GABRB1: variants seen among roughly 807,000 people sequenced by gnomAD.
The protein encoded by GABRB1 is gamma-aminobutyric acid receptor subunit beta-1.
In GABRB1, 17 loss-of-function variants were observed where a neutral mutation model predicts 51.6. The ratio of observed to expected loss-of-function variants is 0.33; its 90% CI spans 0.23 to 0.49. The LOEUF (loss-of-function observed/expected upper bound fraction) is 0.49, where lower values mean the gene tolerates loss of function less well. Ranked by LOEUF, GABRB1 falls within the 20% of genes least tolerant of loss-of-function variation. The pLI is 0.99. For missense variants in GABRB1, 410 were observed against 600.6 expected (o/e 0.68, Z 3.32); for synonymous variants, 247 against 218.9 (o/e 1.13, Z -1.14).
intron 8 of GABRB1, among the ~76,000 whole-genome samples, chr4:47,420,943 AACACAC>A (rs71654875): frequency 6.4e-5 from 9 of 141,074 alleles, no homozygotes; most frequent in East Asian, 6.1e-4. Context: ...TACACACACA[AACACAC>A]ACACACACAC....
At chr4:47,375,825 G>C (rs34151330) in intron 5 of GABRB1, among the ~76,000 whole-genome samples, 1 of 152,092 alleles carries the variant, frequency 6.6e-6, no homozygotes, top group Non-Finnish European at 1.5e-5. Flanking sequence ...ATAATATTTC[G>C]GCAGTATGTG....
intron 4 of GABRB1, among the ~76,000 whole-genome samples, chr4:47,293,135 G>T (rs1723816123): frequency 6.6e-6 from 1 of 151,974 alleles, no homozygotes; most frequent in Non-Finnish European, 1.5e-5. Flanking sequence ...TGTTGTTGTT[G>T]TTTTTCTTGG....
intron 5 of GABRB1, among the ~76,000 whole-genome samples, chr4:47,401,945 G>GA (rs1728410987): frequency 6.6e-6 from 1 of 152,046 alleles, no homozygotes; most frequent in African/African-American, 2.4e-5. Flanking sequence ...GAGACATTTA[G>GA]AATCAGTCTT....
chr4:47,145,951 A>G (rs1577949606), intron 3 of GABRB1, among the ~76,000 whole-genome samples: 1 of 151,848 alleles, frequency 6.6e-6, no homozygotes, highest in African/African-American at 2.4e-5. Flanking sequence ...TCTTCTTAAA[A>G]CTCTCCGTTT....
rs1377479901 is a variant in GABRB1 at position 47,160,813 on chromosome 4, G to C, written c.241-436G>C. 2.6e-5 allele frequency among the ~76,000 whole-genome samples: 4 copies of C among 151,230 alleles called. No individual in the cohort carries two copies. In the South Asian group the frequency reaches 8.4e-4, roughly 32 times the overall value. The stretch of plus-strand genomic sequence containing the variant: ...AATTATATATTTTTTTAGAGACAAG[G>C]TATTGCTCCATCACCCAGGCTGGAG... On this transcript the variant is annotated intron_variant, in intron 3 of 8. Coordinates refer to ENST00000295454, the MANE Select transcript of GABRB1 (RefSeq NM_000812.4).
At chr4:47,304,715 A>G (rs1724383808) in intron 4 of GABRB1, among the ~76,000 whole-genome samples, 1 of 152,054 alleles carries the variant, frequency 6.6e-6, no homozygotes. Context: ...CAAATTCACA[A>G]TGGGTTGTAA....
At chr4:47,298,010 T>C (rs1412259492) in intron 4 of GABRB1, among the ~76,000 whole-genome samples, 6 of 152,218 alleles carry the variant, frequency 3.9e-5, no homozygotes, top group Non-Finnish European at 8.8e-5. Flanking sequence ...TCTCAATAGA[T>C]GCAGAAAAGG....
chr4:47,227,306 A>C (rs1321920639), intron 4 of GABRB1, among the ~76,000 whole-genome samples: 2 of 152,188 alleles, frequency 1.3e-5, no homozygotes, highest in Non-Finnish European at 2.9e-5. Flanking sequence ...GCTGGTAAGG[A>C]TACCAATAAC....
At chr4:47,288,456 G>A (rs184568892) in intron 4 of GABRB1, among the ~76,000 whole-genome samples, 5 of 152,046 alleles carry the variant, frequency 3.3e-5, no homozygotes, top group African/African-American at 4.8e-5. Context: ...TAGAGACTGG[G>A]TTTCACCACA....
At chr4:47,058,354 A>T (rs1282452198) in intron 3 of GABRB1, among the ~76,000 whole-genome samples, 1 of 152,244 alleles carries the variant, frequency 6.6e-6, no homozygotes, top group Non-Finnish European at 1.5e-5. Flanking sequence ...TGCCTGATTA[A>T]ACAACCTGAA....
chr4:47,250,521 T>C (rs1031135722), intron 4 of GABRB1, among the ~76,000 whole-genome samples: 6 of 152,232 alleles, frequency 3.9e-5, no homozygotes, highest in African/African-American at 1.4e-4. Context: ...AGGGAAGTTT[T>C]CCTCAATTAT....
At chr4:47,410,469 A>G (rs550074622) in intron 8 of GABRB1, among the ~76,000 whole-genome samples, 1 of 152,200 alleles carries the variant, frequency 6.6e-6, no homozygotes, top group Non-Finnish European at 1.5e-5. Context: ...CCCTGAAGCC[A>G]TGTCCCAGAC....
At chr4:47,118,514 G>A (rs2109642934) in intron 3 of GABRB1, among the ~76,000 whole-genome samples, 1 of 152,254 alleles carries the variant, frequency 6.6e-6, no homozygotes, top group South Asian at 2.1e-4. Context: ...TGATTTGCCA[G>A]TTACTATCTT....
intron 4 of GABRB1, among the ~76,000 whole-genome samples, chr4:47,256,512 C>T (rs561584839): frequency 6.6e-5 from 10 of 152,248 alleles, no homozygotes; most frequent in South Asian, 4.1e-4. Context: ...AGTCTGTTCT[C>T]GCATTGCTAT....
intron 3 of GABRB1, among the ~76,000 whole-genome samples, chr4:47,137,179 G>A (rs903950361): frequency 6.6e-6 from 1 of 152,108 alleles, no homozygotes; most frequent in African/African-American, 2.4e-5. Flanking sequence ...GGAGAGGCTT[G>A]GGATAGGTAT....
intron 5 of GABRB1, among the ~76,000 whole-genome samples, chr4:47,398,434 G>T (rs904343762): frequency 1.3e-5 from 2 of 152,216 alleles, no homozygotes; most frequent in Non-Finnish European, 2.9e-5. Context: ...AATGGTAGTA[G>T]ACACTCTCAT....
At chr4:47,034,094 A>G (rs903789563) in intron 3 of GABRB1, among the ~76,000 whole-genome samples, 4 of 152,170 alleles carry the variant, frequency 2.6e-5, no homozygotes, top group Non-Finnish European at 5.9e-5. Context: ...CTTTTCAATC[A>G]TTTCCTTTGG....
At chr4:47,182,100 T>C (rs1212568877) in intron 4 of GABRB1, among the ~76,000 whole-genome samples, 2 of 151,978 alleles carry the variant, frequency 1.3e-5, no homozygotes, top group African/African-American at 2.4e-5. Flanking sequence ...GCTTAGATTC[T>C]ATGACTAGAG....
intron 4 of GABRB1, among the ~76,000 whole-genome samples, chr4:47,316,457 A>G (rs983845145): frequency 1.3e-5 from 2 of 151,842 alleles, no homozygotes; most frequent in Non-Finnish European, 2.9e-5. Context: ...TATCTACCAC[A>G]TTTTCTTTCT....
Sources: gnomAD v4.1 joint callset for allele counts (sites outside exome capture counted in the v4.1 genomes callset) on GRCh38, gnomAD v4.1.1 for gene constraint, MANE v1.5 for transcripts, NCBI Gene and HGNC (gene_info 2026-07-23, HGNC 2026-07-21) for gene names.